Variants in CNN2 observed in about 807,000 individuals in gnomAD.
CNN2 encodes calponin 2, also known as calponin-2.
Under a neutral mutation model 31.0 loss-of-function variants are expected in CNN2, and 21 were observed. The ratio of observed to expected loss-of-function variants is 0.68; its 90% CI spans 0.48 to 0.98. CNN2 has a LOEUF of 0.98. CNN2 is among the 50% of genes least tolerant of loss of function. The pLI is 0.00. For missense variants in CNN2, 399 were observed against 427.3 expected (o/e 0.93, Z 0.58); for synonymous variants, 165 against 179.6 (o/e 0.92, Z 0.65).
At chr19:1,037,001 G>A in intron 6 of CNN2, 1 of 253,440 alleles carries the variant, frequency 3.9e-6, no homozygotes, top group South Asian at 3.9e-5. Flanking sequence ...GGGACTACAG[G>A]TGCATGCTGC....
intron 1 of CNN2, chr19:1,027,043 G>A (rs1449380070): frequency 1.7e-5 from 5 of 295,630 alleles, no homozygotes; most frequent in Non-Finnish European, 6.4e-6. Flanking sequence ...AGCCCCTGGC[G>A]CCCACTCAAC....
At chr19:1,036,670 A>G (rs765291475) in intron 6 of CNN2, 108 bp downstream of exon 6, 2 of 1,410,106 alleles carry the variant, frequency 1.4e-6, no homozygotes, top group Non-Finnish European at 1.0e-6. Context: ...TCTCAGTCTC[A>G]GCCCCTTCCC....
Position 1,031,338 on chromosome 19 carries a change from T to TCGGGG in CNN2, c.185+146_185+147insCGGGG, listed in dbSNP as rs1555674878. 13 of 34,386 alleles carry TCGGGG rather than the reference T, an allele frequency of 3.8e-4. 1 individual carries two copies. The highest frequency in any genetic ancestry group is 6.8e-4 in the Non-Finnish European group (12 of 17,722). 2.1% of individuals were successfully genotyped at this position (34,386 alleles called of 1,614,324 possible). A position where few individuals can be genotyped will look rare whatever the true frequency, so the allele number is the denominator to read the frequency against. ...CAGCACTTTTGGAGGCCGAGGGTGG[T>TCGGGG]GGCGGGGGGCGGTGGATCTCGAGGT... On this transcript the variant is annotated intron_variant, in intron 2 of 6. Coordinates refer to ENST00000263097, the MANE Select transcript of CNN2 (RefSeq NM_004368.4).
chr19:1,031,564 C>CAAAAAAA (rs536524090), intron 2 of CNN2, among the ~76,000 whole-genome samples: 1 of 66,336 alleles, frequency 1.5e-5, no homozygotes, highest in African/African-American at 7.1e-5. Flanking sequence ...GACTCCATCT[C>CAAAAAAA]AAAAAAAAAA....
At chr19:1,036,646 G>T (rs775056702) in intron 6 of CNN2, 84 bp downstream of exon 6, 1 of 1,540,574 alleles carries the variant, frequency 6.5e-7, no homozygotes, top group Non-Finnish European at 9.0e-7. Flanking sequence ...GCCACCTCCA[G>T]CTTCTCTCCC....
At position 1,036,039 on chromosome 19, in the gene CNN2, C is replaced by G. The variant is rs754636428; in HGVS notation, c.391-91C>G. On this transcript the variant is annotated intron_variant, in intron 4 of 6. Transcript: ENST00000263097. ...TGCGCGGCAGGCAGAGGTGACAGGC[C>G]GCGGCCTGGTCTCTGTCCCGCCCCC... 5 of 1,467,296 alleles carry G rather than the reference C, an allele frequency of 3.4e-6. No homozygotes were observed. In the South Asian group the frequency reaches 5.8e-5, roughly 17 times the overall value. The allele number at this position is 1,467,296 out of a possible 1,614,324, so 90.9% of individuals were successfully genotyped here.
chr19:1,030,805 G>T (rs938990408), intron 1 of CNN2: 2 of 335,292 alleles, frequency 6.0e-6, no homozygotes, highest in African/African-American at 4.3e-5. Flanking sequence ...ACCGGGAGTG[G>T]ATTAGAGCTG....
chr19:1,032,455 C>T lies in CNN2; in HGVS notation c.249C>T (p.His83=). 6.2e-7 allele frequency: 1 copy of T among 1,613,680 alleles called. No homozygotes were observed. ...PKINRSMQNW[H]QLENLSNFIK... is the part of the protein sequence containing the mutation. ...TCAACCGCTCCATGCAGAACTGGCACCAGGTGAGGGGCTGGTGGAGCGGAG... is the reference window on the plus strand; with the variant it reads ...TCAACCGCTCCATGCAGAACTGGCATCAGGTGAGGGGCTGGTGGAGCGGAG... The change falls in exon 3 of 7, where the codon CAC becomes CAT. Residue 83 remains histidine (H), a synonymous_variant. Transcript: ENST00000263097.
chr19:1,031,224 C>T, intron 2 of CNN2, 32 bp downstream of exon 2: 7 of 1,528,994 alleles, frequency 4.6e-6, no homozygotes, highest in Non-Finnish European at 6.2e-6. Context: ...GGCTGTCTCA[C>T]ACTTAACAAA....
chr19:1,035,201 GGTGTCTGGTGT>G (rs2039561366), intron 4 of CNN2, among the ~76,000 whole-genome samples: 1 of 144,774 alleles, frequency 6.9e-6, no homozygotes. Context: ...GGTGGGACAC[GGTGTCTGGTGT>G]AGACCGGGAG....
In CNN2 at chr19:1,031,337, G is replaced by GT. The variant is rs1206402213; in HGVS notation, c.185+146dup. On this transcript the variant is annotated intron_variant, in intron 2 of 6. Transcript: ENST00000263097. ...CCAGCACTTTTGGAGGCCGAGGGTGGTGGCGGGGGGCGGTGGATCTCGAGG... is the reference window on the plus strand; with the variant it reads ...CCAGCACTTTTGGAGGCCGAGGGTGGTTGGCGGGGGGCGGTGGATCTCGAGG... 2.1e-5 allele frequency: 7 copies of GT among 331,966 alleles called. 2 individuals are homozygous for GT. Among genetic ancestry groups the GT allele is most frequent in the South Asian group, 1.1e-4 (3 of 26,340 alleles). 20.6% of individuals were successfully genotyped at this position (331,966 alleles called of 1,614,324 possible).
rs116728178 is a variant in CNN2 at position 1,031,249 on chromosome 19, A to C, written c.185+57A>C. The C allele has an allele frequency of 4.2e-3, 5,758 of 1,361,926 alleles. 199 individuals are homozygous for C. In the African/African-American group the frequency reaches 0.081, roughly 19 times the overall value. The allele number at this position is 1,361,926 out of a possible 1,614,324, so 84.4% of individuals were successfully genotyped here. Reference sequence around the variant, plus strand: ...CACTTAACAAATCTTGGTTTTTCTCACTTTTTTTCTTAATTAAGAAATTTT... The same window carrying C: ...CACTTAACAAATCTTGGTTTTTCTCCCTTTTTTTCTTAATTAAGAAATTTT... On this transcript the variant is annotated intron_variant, in intron 2 of 6. Coordinates refer to ENST00000263097, the MANE Select transcript of CNN2 (RefSeq NM_004368.4).
intron 1 of CNN2, among the ~76,000 whole-genome samples, chr19:1,029,801 G>A (rs112897882): frequency 0.031 from 4,666 of 151,752 alleles, 223 homozygotes; most frequent in African/African-American, 0.11. Flanking sequence ...CTGGGTTCAA[G>A]CGATTCTCCT....
At position 1,032,420 on chromosome 19, in the gene CNN2, G is replaced by T; in HGVS notation, c.214G>T (p.Val72Phe). 1.9e-6 allele frequency: 3 copies of T among 1,613,600 alleles called. No individual in the cohort carries two copies. Among genetic ancestry groups the T allele is most frequent in the African/African-American group, 2.7e-5 (2 of 75,010 alleles). ...TLMNKLQPGS[V>F]PKINRSMQNW... The stretch of plus-strand genomic sequence containing the variant: ...CATGAACAAGCTACAGCCGGGCTCC[G>T]TCCCCAAGATCAACCGCTCCATGCA... The change falls in exon 3 of 7, where the codon GTC becomes TTC. Residue 72 changes from valine to phenylalanine, a missense_variant. Val to Phe is a conservative substitution (Grantham distance 50). Coordinates refer to ENST00000263097, the MANE Select transcript of CNN2 (RefSeq NM_004368.4).
In CNN2 at chr19:1,032,446, G is replaced by A. The variant is rs1007249239; in HGVS notation, c.240G>A (p.Gln80=). 8 of 1,613,596 alleles carry A rather than the reference G, an allele frequency of 5.0e-6. No homozygotes were observed. The highest frequency in any genetic ancestry group is 6.8e-6 in the Non-Finnish European group (8 of 1,180,006). The change falls in exon 3 of 7, where the codon CAG becomes CAA. Residue 80 remains glutamine, a synonymous_variant. Coordinates refer to ENST00000263097, the MANE Select transcript of CNN2 (RefSeq NM_004368.4). ...TCCCCAAGATCAACCGCTCCATGCA[G>A]AACTGGCACCAGGTGAGGGGCTGGT... ...GSVPKINRSM[Q]NWHQLENLSN... is the part of the protein sequence containing the mutation.
chr19:1,028,921 C>G (rs2039444134), intron 1 of CNN2, among the ~76,000 whole-genome samples: 1 of 152,232 alleles, frequency 6.6e-6, no homozygotes, highest in Non-Finnish European at 1.5e-5. Context: ...GGGGGCCTCC[C>G]CGCCTTTGCC....
chr19:1,027,027 G>A, intron 1 of CNN2: 1 of 322,994 alleles, frequency 3.1e-6, no homozygotes, highest in South Asian at 4.5e-5. Flanking sequence ...GGACCCCCAC[G>A]TGTGAAGCCC....
rs1268032010 is a variant in CNN2, at chr19:1,038,988, C to G, written c.*1088C>G. 6.6e-6 allele frequency: 1 copy of G among 152,388 alleles called. No homozygotes were observed. Among genetic ancestry groups the G allele is most frequent in the Non-Finnish European group, 1.5e-5 (1 of 68,078 alleles). The allele number at this position is 152,388 out of a possible 1,614,324, so 9.4% of individuals were successfully genotyped here. ...CCAAGTACTGCACAGGGACCCCCCA[C>G]CCAGGGGACCTGCTCCGTGAGATAA... On this transcript the variant is annotated 3_prime_UTR_variant, in exon 7 of 7. Transcript: ENST00000263097.
Position 1,032,473 on chromosome 19 carries a change from G to C in CNN2, c.252+15G>C. 6.2e-7 allele frequency: 1 copy of C among 1,613,518 alleles called. No individual in the cohort carries two copies. The highest frequency in any genetic ancestry group is 1.3e-5 in the African/African-American group (1 of 75,056). ...ACTGGCACCAGGTGAGGGGCTGGTGGAGCGGAGCAGGGATGGTGCTGGGGG... is the reference window on the plus strand; with the variant it reads ...ACTGGCACCAGGTGAGGGGCTGGTGCAGCGGAGCAGGGATGGTGCTGGGGG... On this transcript the variant is annotated intron_variant, in intron 3 of 6. Transcript: ENST00000263097.
Sources: gnomAD v4.1 joint callset for allele counts (sites outside exome capture counted in the v4.1 genomes callset) on GRCh38, gnomAD v4.1.1 for gene constraint, MANE v1.5 for transcripts, NCBI Gene and HGNC (gene_info 2026-07-23, HGNC 2026-07-21) for gene names.